BRCA1: variants seen among roughly 807,000 people sequenced by gnomAD.
The protein encoded by BRCA1 is breast cancer type 1 susceptibility protein.
Under a neutral mutation model 173.7 loss-of-function variants are expected in BRCA1, and 140 were observed. The ratio of observed to expected loss-of-function variants is 0.81; its 90% CI spans 0.70 to 0.93. BRCA1 has a LOEUF of 0.93. Ranked by LOEUF, BRCA1 falls within the 40% of genes least tolerant of loss-of-function variation. The pLI is 0.00. For missense variants in BRCA1, 1,983 were observed against 2,172.5 expected (o/e 0.91, Z 1.73); for synonymous variants, 662 against 756.0 (o/e 0.88, Z 2.04).
At chr17:43,135,367 G>T (rs948511515) in intron 1 of BRCA1, among the ~76,000 whole-genome samples, 40 of 152,368 alleles carry the variant, frequency 2.6e-4, no homozygotes, top group African/African-American at 9.1e-4. Flanking sequence ...TGGGATGGTT[G>T]ATTAGGACGC....
chr17:43,074,618 G>T, intron 13 of BRCA1, 97 bp from the exon 14 acceptor site: 1 of 1,130,720 alleles, frequency 8.8e-7, no homozygotes, highest in African/African-American at 1.5e-5. Context: ...AACAGCTCAT[G>T]TCAGAGAGAT....
chr17:43,149,319 G>A (rs536483680), intron 1 of BRCA1, among the ~76,000 whole-genome samples: 37 of 145,976 alleles, frequency 2.5e-4, no homozygotes, highest in South Asian at 6.4e-4. Flanking sequence ...GTTTCACCAT[G>A]TTAGCGGGTG....
chr17:43,060,567 C>T (rs544382811), intron 18 of BRCA1, among the ~76,000 whole-genome samples: 96 of 151,956 alleles, frequency 6.3e-4, no homozygotes, highest in Non-Finnish European at 1.2e-3. Context: ...TCTTGGCTCA[C>T]TGTAACTCCT....
chr17:43,122,734 C>A (rs1449630364), intron 2 of BRCA1, among the ~76,000 whole-genome samples: 2 of 151,912 alleles, frequency 1.3e-5, no homozygotes, highest in Non-Finnish European at 2.9e-5. Context: ...CATAGCAAAA[C>A]CCTATCTCTA....
intron 15 of BRCA1, among the ~76,000 whole-genome samples, chr17:43,069,949 T>C (rs1597829101): frequency 1.3e-5 from 2 of 152,216 alleles, no homozygotes; most frequent in East Asian, 3.8e-4. Context: ...CTTCTTATTA[T>C]TGAGACAGAG....
In BRCA1 at chr17:43,092,937, T is replaced by A. The variant is rs1396916075; in HGVS notation, c.2594A>T (p.Lys865Met). The A allele has an allele frequency of 6.2e-7, 1 of 1,613,864 alleles. No homozygotes were observed. Among genetic ancestry groups the A allele is most frequent in the Non-Finnish European group, 8.5e-7 (1 of 1,179,962 alleles). Reference sequence around the variant, plus strand: ...TGAAAACGGAGCAAATGACTGGCGCTTTGAAACCTTGAATGTATTCTGCAA... The same window carrying A: ...TGAAAACGGAGCAAATGACTGGCGCATTGAAACCTTGAATGTATTCTGCAA... ...QYLQNTFKVS[K>M]RQSFAPFSNP... is the part of the protein sequence containing the mutation. The change falls in exon 10 of 23, where the codon AAG (lysine) becomes ATG (methionine). Residue 865 changes from lysine (K) to methionine (M), a missense_variant. By Grantham distance (95) the Lys-to-Met change is moderately conservative (BLOSUM62 -1). Transcript: ENST00000357654.
Position 43,071,126 on chromosome 17 carries a change from T to C in BRCA1, c.4788A>G (p.Ser1596=). 1 of 1,614,174 alleles carries C rather than the reference T, an allele frequency of 6.2e-7. No individual in the cohort carries two copies. Among genetic ancestry groups the C allele is most frequent in the South Asian group, 1.1e-5 (1 of 91,084 alleles). ...ATTGGGGAACTTTCAATGCAGAGGT[T>C]GAAGATGGTATGTTGCCAACACGAG... ...ESARVGNIPS[S]TSALKVPQLK... Residue 1596 remains serine (S), a synonymous_variant, in exon 15 of 23, where the codon TCA becomes TCG. Transcript: ENST00000357654.
chr17:43,089,037 G>T (rs560590835), intron 11 of BRCA1, among the ~76,000 whole-genome samples: 5 of 152,180 alleles, frequency 3.3e-5, no homozygotes, highest in Non-Finnish European at 5.9e-5. Flanking sequence ...AGGAGGCCAG[G>T]CCTGGTGGCT....
Position 43,091,986 on chromosome 17 carries a change from T to C in BRCA1, c.3545A>G (p.Gln1182Arg). ...ESSAVFSKSV[Q>R]KGELSRSPSP... ...AGGACTCCTGCTAAGCTCTCCTTTCTGGACGCTTTTGCTAAAAACAGCAGA... is the reference window on the plus strand; with the variant it reads ...AGGACTCCTGCTAAGCTCTCCTTTCCGGACGCTTTTGCTAAAAACAGCAGA... The change falls in exon 10 of 23, where the codon CAG becomes CGG. Residue 1182 changes from glutamine (Q) to arginine (R), a missense_variant. Gln to Arg is a conservative substitution (Grantham distance 43). Coordinates refer to ENST00000357654, the MANE Select transcript of BRCA1 (RefSeq NM_007294.4). 1 of 1,614,154 alleles carries C rather than the reference T, an allele frequency of 6.2e-7. No homozygotes were observed. Among genetic ancestry groups the C allele is most frequent in the African/African-American group, 1.3e-5 (1 of 75,048 alleles).
chr17:43,105,796 T>C (rs1020339362), intron 4 of BRCA1, among the ~76,000 whole-genome samples: 4 of 152,106 alleles, frequency 2.6e-5, no homozygotes, highest in Non-Finnish European at 5.9e-5. Flanking sequence ...AGAATTTACA[T>C]TGTAGCAGAA....
At chr17:43,128,243 C>G (rs1044407881), upstream of BRCA1, among the ~76,000 whole-genome samples, 3 of 152,144 alleles carry the variant, frequency 2.0e-5, no homozygotes, top group African/African-American at 7.2e-5. Context: ...CACGAACCCA[C>G]CAGGAGGAAT....
intron 15 of BRCA1, 48 bp from the exon 16 acceptor site, chr17:43,067,743 C>T (rs1035013269): frequency 6.9e-7 from 1 of 1,443,614 alleles, no homozygotes. Context: ...CTCTAGCACA[C>T]AGCTCAGAAT....
At chr17:43,145,329 C>CTTTCTTTTT (rs34302247) in intron 1 of BRCA1, 4 of 414,874 alleles carry the variant, frequency 9.6e-6, no homozygotes, top group African/African-American at 2.2e-5. Context: ...TTTTTTCTTT[C>CTTTCTTTTT]TTTTTTTTTT....
In BRCA1 at chr17:43,049,096, C is replaced by G. The variant is rs2051067487; in HGVS notation, c.5406+25G>C. 3.1e-6 allele frequency: 5 copies of G among 1,608,426 alleles called. No homozygotes were observed. In the South Asian group the frequency reaches 3.3e-5, roughly 11 times the overall value. On this transcript the variant is annotated intron_variant, in intron 21 of 22. Transcript: ENST00000357654. ...CAGGAGAGAATATTGTGTCCTCCCTCTCTGACAGGGCACCCAATACTTACT... is the reference window on the plus strand; with the variant it reads ...CAGGAGAGAATATTGTGTCCTCCCTGTCTGACAGGGCACCCAATACTTACT...
intron 12 of BRCA1, among the ~76,000 whole-genome samples, chr17:43,076,954 CAAAATAA>C (rs1214534213): frequency 6.6e-6 from 1 of 151,932 alleles, no homozygotes; most frequent in Non-Finnish European, 1.5e-5. Context: ...ATCTCTGCAG[CAAAATAA>C]ATTATGCCCA....
chr17:43,070,011 G>A (rs931091819), intron 15 of BRCA1, among the ~76,000 whole-genome samples: 7 of 152,160 alleles, frequency 4.6e-5, no homozygotes, highest in Admixed American at 2.0e-4. Context: ...TCGGCTCACC[G>A]CAACCTCCGC....
At chr17:43,133,677 C>T (rs2055991122) in intron 1 of BRCA1, among the ~76,000 whole-genome samples, 1 of 151,112 alleles carries the variant, frequency 6.6e-6, no homozygotes, top group South Asian at 2.1e-4. Flanking sequence ...CTCTGTTACC[C>T]AGGCTGGAGT....
intron 1 of BRCA1, chr17:43,132,529 G>A (rs952922521): frequency 2.0e-5 from 3 of 150,806 alleles, no homozygotes; most frequent in African/African-American, 7.3e-5. Context: ...TAGTTCTGTG[G>A]CTCTGGCCGC....
intron 1 of BRCA1, among the ~76,000 whole-genome samples, chr17:43,135,880 A>C (rs1398614012): frequency 6.6e-6 from 1 of 152,148 alleles, no homozygotes; most frequent in Non-Finnish European, 1.5e-5. Context: ...CCCGCCTCCC[A>C]TCCCCAGGCG....
Sources: gnomAD v4.1 joint callset for allele counts (sites outside exome capture counted in the v4.1 genomes callset) on GRCh38, gnomAD v4.1.1 for gene constraint, MANE v1.5 for transcripts, NCBI Gene and HGNC (gene_info 2026-07-23, HGNC 2026-07-21) for gene names.